DDX11: variants seen among roughly 807,000 people sequenced by gnomAD.
The protein encoded by DDX11 is DEAD/H-box helicase 11, also known as ATP-dependent DNA helicase DDX11.
Under a neutral mutation model 125.2 loss-of-function variants are expected in DDX11, and 72 were observed. That is an observed-to-expected ratio of 0.58 (90% confidence interval 0.48 to 0.70). DDX11 has a LOEUF of 0.70. DDX11 is among the 30% of genes least tolerant of loss of function. The probability of loss-of-function intolerance (pLI) is 0.00; values close to 1 mark genes in which losing one functional copy is unlikely to be tolerated. For synonymous variants in DDX11, 347 were observed against 452.6 expected, an observed-to-expected ratio of 0.77 and a Z score of 2.96; for missense variants, 883 against 1,165.0, an observed-to-expected ratio of 0.76 and a Z score of 3.52.
At chr12:31,102,347 T>C in intron 22 of DDX11, 36 bp downstream of exon 22, 2 of 1,609,636 alleles carry the variant, frequency 1.2e-6, no homozygotes, top group Non-Finnish European at 1.7e-6. Context: ...TCTGAGATCG[T>C]GTGGGGGTGG....
chr12:31,098,896 T>C (rs1207845188), intron 18 of DDX11, among the ~76,000 whole-genome samples: 2 of 151,996 alleles, frequency 1.3e-5, no homozygotes, highest in African/African-American at 4.8e-5. Flanking sequence ...GGGATCACCA[T>C]GGGTGTCCTT....
intron 26 of DDX11, 35 bp downstream of exon 26, chr12:31,103,766 C>A (rs1358263852): frequency 8.1e-6 from 13 of 1,613,684 alleles, no homozygotes; most frequent in South Asian, 2.2e-5. Context: ...AGAGCCTCCC[C>A]ACCCCGAGAT....
intron 12 of DDX11, among the ~76,000 whole-genome samples, chr12:31,093,979 C>T (rs1182063834): frequency 1.3e-5 from 2 of 150,046 alleles, no homozygotes; most frequent in East Asian, 3.9e-4. Flanking sequence ...GTTTTGTGTG[C>T]CCTGTGAGAA....
chr12:31,086,277 G>GTTGTTGCC (rs1357222767), intron 5 of DDX11: 1 of 411,232 alleles, frequency 2.4e-6, no homozygotes. Context: ...TTGTGCTTCT[G>GTTGTTGCC]TTGTTGCCTC....
In DDX11 at chr12:31,096,623, C is replaced by G. The variant is rs772070125; in HGVS notation, c.1522-14C>G. 3.1e-6 allele frequency: 5 copies of G among 1,612,642 alleles called. No individual in the cohort carries two copies. Among genetic ancestry groups the G allele is most frequent in the South Asian group, 2.2e-5 (2 of 90,996 alleles). On this transcript the variant is annotated splice_polypyrimidine_tract_variant and intron_variant, in intron 15 of 26. Transcript: ENST00000542838. Reference sequence around the variant, plus strand: ...ACCTCGTTCCTCTCCACTGCTCTCTCTCATCCCACCCAGCTCTTTGGATTC... The same window carrying G: ...ACCTCGTTCCTCTCCACTGCTCTCTGTCATCCCACCCAGCTCTTTGGATTC...
intron 2 of DDX11, among the ~76,000 whole-genome samples, chr12:31,081,387 C>T (rs1159693105): frequency 1.3e-5 from 2 of 152,228 alleles, no homozygotes; most frequent in Non-Finnish European, 2.9e-5. Flanking sequence ...CGTGGATGCA[C>T]AGGTGCCCCA....
Position 31,085,103 on chromosome 12 carries a change from T to A in DDX11, c.615T>A (p.Asp205Glu), listed in dbSNP as rs778843332. ...EELVLAEYES[D>E]EEKKVASRVD... ...TGGTCCTCGCCGAATACGAGAGTGA[T>A]GAGGAGAAAAAGGTGGCGAGCAGGT... Residue 205 changes from aspartate (D) to glutamate (E), a missense_variant, in exon 5 of 27, where the codon GAT becomes GAA. Asp to Glu is a conservative substitution (Grantham distance 45). Around this residue, in one of 5 missense-constraint regions of DDX11, gnomAD observed 283 missense variants for 359.6 expected, o/e 0.79. Coordinates refer to ENST00000542838, the MANE Select transcript of DDX11 (RefSeq NM_030653.4). The A allele has an allele frequency of 1.3e-6, 2 of 1,575,754 alleles. No individual in the cohort carries two copies. Among genetic ancestry groups the A allele is most frequent in the Non-Finnish European group, 1.7e-6 (2 of 1,160,088 alleles).
At chr12:31,078,653 G>T in intron 2 of DDX11, 116 bp downstream of exon 2, 6 of 1,389,310 alleles carry the variant, frequency 4.3e-6, no homozygotes, top group Non-Finnish European at 6.1e-6. Flanking sequence ...AGTAGTCTCT[G>T]TTTATCTGAG....
chr12:31,079,998 G>A (rs536668377), intron 2 of DDX11, among the ~76,000 whole-genome samples: 7 of 142,100 alleles, frequency 4.9e-5, no homozygotes, highest in Admixed American at 3.6e-4. Flanking sequence ...GGGGACAGAC[G>A]GCCGCACCCA....
intron 12 of DDX11, chr12:31,094,235 C>T (rs1414989825): frequency 8.5e-6 from 3 of 351,446 alleles, no homozygotes; most frequent in Non-Finnish European, 1.7e-5. Flanking sequence ...TCTGAGCCAC[C>T]AGCTCTGCTT....
chr12:31,103,225 T>G lies in DDX11; in HGVS notation c.2458-92T>G, dbSNP rs925395059. 23 of 1,552,722 alleles carry G rather than the reference T, an allele frequency of 1.5e-5. No individual in the cohort carries two copies. The Middle Eastern group carries it at 6.8e-4, about 46-fold the overall frequency. On this transcript the variant is annotated intron_variant, in intron 24 of 26. Transcript: ENST00000542838. ...TGCTGCTGGCATTGGCCACGAAGCC[T>G]CCTGGTCTGGCTCCAAAGCCTGGCA... is the stretch of plus-strand genomic sequence containing the variant.
chr12:31,085,217 A>C (rs987640017), intron 5 of DDX11, 91 bp downstream of exon 5: 1 of 1,479,208 alleles, frequency 6.8e-7, no homozygotes, highest in African/African-American at 1.4e-5. Context: ...GCCATGAAGC[A>C]CCTGGCAAGA....
chr12:31,102,397 A>G (rs576596509), intron 22 of DDX11, 30 bp from the exon 23 acceptor site: 5 of 1,612,022 alleles, frequency 3.1e-6, no homozygotes, highest in African/African-American at 1.3e-5. Flanking sequence ...GTTTTGGCTC[A>G]GCAACTCAGC....
intron 24 of DDX11, 57 bp from the exon 25 acceptor site, chr12:31,103,260 C>T: frequency 6.3e-7 from 1 of 1,583,778 alleles, no homozygotes; most frequent in Admixed American, 1.8e-5. Context: ...AGGGTCTTTT[C>T]CCAGGGGGAG....
intron 1 of DDX11, among the ~76,000 whole-genome samples, chr12:31,077,213 GA>G: frequency 6.6e-6 from 1 of 152,134 alleles, no homozygotes; most frequent in East Asian, 1.9e-4. Flanking sequence ...AACCAGGATG[GA>G]AGAGTCAGGC....
intron 17 of DDX11, 64 bp downstream of exon 17, chr12:31,097,054 G>A (rs759191828): frequency 8.5e-5 from 136 of 1,601,812 alleles, no homozygotes; most frequent in Admixed American, 1.2e-4. Flanking sequence ...CCCGGGAGCC[G>A]CAGCGTGAAA....
intron 15 of DDX11, 87 bp from the exon 16 acceptor site, chr12:31,096,550 T>C: frequency 3.8e-6 from 6 of 1,588,722 alleles, no homozygotes; most frequent in Non-Finnish European, 5.1e-6. Context: ...GCAGGTGTCT[T>C]GGGCCTGGCA....
rs562334480 is a variant in DDX11, at chr12:31,083,553, A to C, written c.145-260A>C. Among the ~76,000 whole-genome samples, 723 of 152,182 alleles carry C rather than the reference A, an allele frequency of 4.8e-3. 5 individuals carry two copies. Among genetic ancestry groups the C allele is most frequent in the African/African-American group, 0.017 (686 of 41,498 alleles). ...ACATAGAATCTGATAAACTGCTTCA[A>C]ATTTGTTTTCAGAACAGTGAGCTGG... On this transcript the variant is annotated intron_variant, in intron 2 of 26. Transcript: ENST00000542838.
rs1453253434 is a variant in DDX11 at position 31,103,714 on chromosome 12, A to G, written c.2674A>G (p.Ile892Val). The G allele has an allele frequency of 1.2e-6, 2 of 1,613,608 alleles. No individual in the cohort carries two copies. The highest frequency in any genetic ancestry group is 2.2e-5 in the East Asian group (1 of 44,896). ...GGTCAAAGCTACCTTTGGCCCCGCCATTGCTGCTGTGCAGAAGGTCAGTCC... is the reference window on the plus strand; with the variant it reads ...GGTCAAAGCTACCTTTGGCCCCGCCGTTGCTGCTGTGCAGAAGGTCAGTCC... ...VEVKATFGPA[I>V]AAVQKFHREK... The change falls in exon 26 of 27, where the codon ATT becomes GTT. Residue 892 changes from isoleucine to valine, a missense_variant. By Grantham distance (29) the Ile-to-Val change is conservative (BLOSUM62 3). Coordinates refer to ENST00000542838, the MANE Select transcript of DDX11 (RefSeq NM_030653.4).
Sources: allele counts gnomAD v4.1 joint callset (sites outside exome capture counted in the v4.1 genomes callset), GRCh38; gene constraint gnomAD v4.1.1; regional missense constraint gnomAD v4.1.1; transcripts MANE v1.5; gene names NCBI Gene and HGNC (gene_info 2026-07-23, HGNC 2026-07-21).